LRRFIP2: variants seen among roughly 807,000 people sequenced by gnomAD.
The protein encoded by LRRFIP2 is leucine-rich repeat flightless-interacting protein 2.
In LRRFIP2, 109 loss-of-function variants were observed where a neutral mutation model predicts 125.9. The observed-to-expected ratio is 0.87, with a 90% CI of 0.74 to 1.01. LRRFIP2 has a LOEUF of 1.01. Among genes scored for constraint, LRRFIP2 ranks in the 50% least tolerant of loss-of-function variants. LRRFIP2 has a pLI of 0.00. For synonymous variants in LRRFIP2, 291 were observed against 293.1 expected, an observed-to-expected ratio of 0.99 and a Z score of 0.07; for missense variants, 850 against 862.3, an observed-to-expected ratio of 0.99 and a Z score of 0.18.
chr3:37,061,260 C>T lies in LRRFIP2; in HGVS notation c.1750-2350G>A, dbSNP rs141131526. On this transcript the variant is annotated intron_variant, in intron 24 of 27. Transcript: ENST00000336686. ...TTGGGAGGACGAGGTGGGTGGATCACCTAAGGTCAGGAGTTCAAGACCAGC... is the reference window on the plus strand; with the variant it reads ...TTGGGAGGACGAGGTGGGTGGATCATCTAAGGTCAGGAGTTCAAGACCAGC... 3.2e-3 allele frequency among the ~76,000 whole-genome samples: 484 copies of T among 152,256 alleles called. 2 individuals are homozygous for T. The highest frequency in any genetic ancestry group is 5.5e-3 in the Non-Finnish European group (375 of 68,006).
rs116686731 is a variant in LRRFIP2 at position 37,071,476 on chromosome 3, G to A, written c.1464+1314C>T. Among the ~76,000 whole-genome samples, 730 of 73,372 alleles carry A rather than the reference G, an allele frequency of 9.9e-3. 6 individuals carry two copies. The highest frequency in any genetic ancestry group is 0.031 in the African/African-American group (661 of 21,648). 48.1% of individuals were successfully genotyped at this position (73,372 alleles called of 152,430 possible). On this transcript the variant is annotated intron_variant, in intron 21 of 27. Coordinates refer to ENST00000336686, the MANE Select transcript of LRRFIP2 (RefSeq NM_006309.4). ...ATCCTCTGGCCTCAAGCGATCCTCC[G>A]TGCTAGGATTCCAGGCATGAGCCTA...
intron 2 of LRRFIP2, among the ~76,000 whole-genome samples, chr3:37,141,902 C>T (rs1396345835): frequency 6.6e-6 from 1 of 152,174 alleles, no homozygotes; most frequent in Admixed American, 6.5e-5. Context: ...CAGGTCCCAG[C>T]TCCAGCCAGT....
chr3:37,075,253 T>A, intron 19 of LRRFIP2, 137 bp from the exon 20 acceptor site: 1 of 522,318 alleles, frequency 1.9e-6, no homozygotes, highest in Non-Finnish European at 3.4e-6. Flanking sequence ...TTAGAAAAAT[T>A]GTGTATTCTA....
intron 1 of LRRFIP2, among the ~76,000 whole-genome samples, chr3:37,160,837 C>G (rs1022929376): frequency 6.6e-6 from 1 of 150,716 alleles, no homozygotes; most frequent in African/African-American, 2.4e-5. Flanking sequence ...TAAAACATGA[C>G]AGTAGAAATT....
At chr3:37,139,616 T>A (rs538047821) in intron 2 of LRRFIP2, among the ~76,000 whole-genome samples, 199 of 152,268 alleles carry the variant, frequency 1.3e-3, no homozygotes, top group African/African-American at 4.5e-3. Context: ...CCTCTTCTGT[T>A]GTTGAAAGTC....
intron 2 of LRRFIP2, among the ~76,000 whole-genome samples, chr3:37,134,013 C>A (rs1350311471): frequency 6.6e-6 from 1 of 152,036 alleles, no homozygotes; most frequent in African/African-American, 2.4e-5. Flanking sequence ...GAAACCCCAT[C>A]TCTACTAAAA....
chr3:37,057,154 C>T (rs1261203354), intron 25 of LRRFIP2, among the ~76,000 whole-genome samples: 30 of 152,200 alleles, frequency 2.0e-4, no homozygotes, highest in Non-Finnish European at 2.9e-5. Context: ...GGGTACTTTA[C>T]CTTCTGCAAA....
chr3:37,129,825 T>C (rs2095380949), intron 2 of LRRFIP2, among the ~76,000 whole-genome samples: 2 of 151,950 alleles, frequency 1.3e-5, no homozygotes, highest in African/African-American at 4.8e-5. Context: ...AAACCCTGTC[T>C]CTACTAAAAA....
chr3:37,137,675 CAGT>C (rs1229570481), intron 2 of LRRFIP2, among the ~76,000 whole-genome samples: 1 of 152,108 alleles, frequency 6.6e-6, no homozygotes, highest in Non-Finnish European at 1.5e-5. Flanking sequence ...TTTTTATTCC[CAGT>C]TTCAACTACC....
At chr3:37,083,381 G>C (rs1344728604) in intron 19 of LRRFIP2, among the ~76,000 whole-genome samples, 1 of 152,082 alleles carries the variant, frequency 6.6e-6, no homozygotes, top group Non-Finnish European at 1.5e-5. Flanking sequence ...GATAGAAAAT[G>C]AAGCTAAAAC....
chr3:37,107,684 C>T (rs1019258598), intron 13 of LRRFIP2, among the ~76,000 whole-genome samples: 1 of 151,942 alleles, frequency 6.6e-6, no homozygotes, highest in Non-Finnish European at 1.5e-5. Context: ...TTTCACTGCA[C>T]TGATAGAAGC....
intron 2 of LRRFIP2, among the ~76,000 whole-genome samples, chr3:37,145,738 A>G (rs2095841835): frequency 6.6e-6 from 1 of 152,198 alleles, no homozygotes; most frequent in South Asian, 2.1e-4. Context: ...AACAAAAAAT[A>G]AGCTATTAAT....
intron 14 of LRRFIP2, 134 bp downstream of exon 14, chr3:37,105,321 T>C: frequency 1.4e-6 from 1 of 707,080 alleles, no homozygotes; most frequent in Non-Finnish European, 2.4e-6. Context: ...TAAGGCAAAA[T>C]ATTTATATAA....
chr3:37,058,532 G>A (rs572262949), intron 25 of LRRFIP2, among the ~76,000 whole-genome samples: 1 of 152,002 alleles, frequency 6.6e-6, no homozygotes, highest in Admixed American at 6.6e-5. Context: ...AAAACTAGCC[G>A]GGCATGGTGG....
At chr3:37,159,828 G>GAA (rs111830518) in intron 1 of LRRFIP2, among the ~76,000 whole-genome samples, 1 of 104,350 alleles carries the variant, frequency 9.6e-6, no homozygotes. Flanking sequence ...ATTTCTGGAA[G>GAA]AAAAAAAAAA....
chr3:37,109,177 T>C (rs947942729), intron 11 of LRRFIP2, among the ~76,000 whole-genome samples: 1 of 152,158 alleles, frequency 6.6e-6, no homozygotes, highest in African/African-American at 2.4e-5. Context: ...TAGATCCTAG[T>C]ATCAGAGGCC....
chr3:37,102,986 AG>A lies in LRRFIP2; in HGVS notation c.810del (p.Ser271ProfsTer49), dbSNP rs2094145383. 3 of 1,566,076 alleles carry A rather than the reference AG, an allele frequency of 1.9e-6. No homozygotes were observed. The highest frequency in any genetic ancestry group is 2.6e-6 in the Non-Finnish European group (3 of 1,153,404). On this transcript the variant is annotated frameshift_variant, in exon 15 of 28. Transcript: ENST00000336686. LOFTEE classifies it high-confidence loss of function. ...SVVSAADYFS[R>X]SNRRGSVVSE... ...GAGACAACACTTCCCCTACGATTGG[AG>A]CGACTGAAATAATCAGCGGCAGATA...
At chr3:37,088,712 G>A (rs940310888) in intron 18 of LRRFIP2, among the ~76,000 whole-genome samples, 1 of 151,930 alleles carries the variant, frequency 6.6e-6, no homozygotes, top group Non-Finnish European at 1.5e-5. Context: ...GCTTAGGATC[G>A]CTTGAGTCCA....
intron 2 of LRRFIP2, among the ~76,000 whole-genome samples, chr3:37,140,085 A>G (rs2095654367): frequency 6.6e-6 from 1 of 152,156 alleles, no homozygotes; most frequent in Non-Finnish European, 1.5e-5. Context: ...GCTTTCTCCA[A>G]TACTAGTGTC....
Sources: allele counts gnomAD v4.1 joint callset (sites outside exome capture counted in the v4.1 genomes callset), GRCh38; gene constraint gnomAD v4.1.1; transcripts MANE v1.5; gene names NCBI Gene and HGNC (gene_info 2026-07-23, HGNC 2026-07-21).